The following ESRRG variants were observed in gnomAD, a reference collection of about 807,000 sequenced individuals.
ESRRG encodes estrogen related receptor gamma.
ESRRG carries 13 observed loss-of-function variants against 44.0 expected under a neutral mutation model. That is an observed-to-expected ratio of 0.30 (90% CI 0.19 to 0.47). ESRRG has a LOEUF of 0.47. ESRRG is among the 20% of genes least tolerant of loss of function. ESRRG has a pLI of 1.00. For missense variants in ESRRG, 395 were observed against 580.6 expected (o/e 0.68, Z 3.29); for synonymous variants, 215 against 214.6 (o/e 1.00, Z -0.02).
At chr1:217,114,684 T>A (rs1425415420) in intron 1 of ESRRG, among the ~76,000 whole-genome samples, 23 of 149,724 alleles carry the variant, frequency 1.5e-4, no homozygotes, top group African/African-American at 5.7e-4. Context: ...TTTTTTTTTT[T>A]TTTTGAGACG....
chr1:217,075,596 C>T (rs534169153), intron 1 of ESRRG, among the ~76,000 whole-genome samples: 1 of 146,620 alleles, frequency 6.8e-6, no homozygotes, highest in Admixed American at 7.4e-5. Context: ...CTTTCCCCCC[C>T]CCAACATTAA....
chr1:216,572,901 C>A (rs2061067368), intron 3 of ESRRG, among the ~76,000 whole-genome samples: 2 of 152,034 alleles, frequency 1.3e-5, no homozygotes, highest in Admixed American at 1.3e-4. Context: ...TATGATTTCT[C>A]ATTAGTAGTA....
intron 2 of ESRRG, among the ~76,000 whole-genome samples, chr1:216,803,952 G>A (rs997907321): frequency 4.6e-5 from 7 of 151,690 alleles, no homozygotes; most frequent in East Asian, 3.9e-4. Flanking sequence ...TGGCCAAAAG[G>A]TTCTAACACA....
At chr1:217,025,686 C>A (rs1020879445) in intron 1 of ESRRG, among the ~76,000 whole-genome samples, 1 of 152,068 alleles carries the variant, frequency 6.6e-6, no homozygotes, top group Non-Finnish European at 1.5e-5. Flanking sequence ...CCAAACACAG[C>A]CCCTATCTAC....
chr1:217,088,398 CTTTTTTTTTTTTTTTT>C (rs71585811), intron 1 of ESRRG, among the ~76,000 whole-genome samples: 1 of 59,738 alleles, frequency 1.7e-5, no homozygotes, highest in African/African-American at 7.3e-5. Context: ...TTTTTCCTGT[CTTTTTTTTTTTTTTTT>C]TTTTTTTTTT....
intron 1 of ESRRG, among the ~76,000 whole-genome samples, chr1:216,963,131 G>C (rs1180454332): frequency 6.6e-6 from 1 of 152,118 alleles, no homozygotes; most frequent in Non-Finnish European, 1.5e-5. Flanking sequence ...TACACTATAA[G>C]GCGCTATATA....
chr1:216,737,199 C>T (rs1001839588), intron 2 of ESRRG, among the ~76,000 whole-genome samples: 4 of 152,198 alleles, frequency 2.6e-5, no homozygotes, highest in African/African-American at 9.7e-5. Context: ...TCAGCTGCAT[C>T]TGCTTCAAAG....
At chr1:216,824,175 G>A (rs556079739) in intron 2 of ESRRG, among the ~76,000 whole-genome samples, 5 of 152,226 alleles carry the variant, frequency 3.3e-5, no homozygotes, top group South Asian at 2.1e-4. Flanking sequence ...GGCTGGGCAC[G>A]GTGGCTCATG....
At chr1:216,957,615 G>C (rs2068204127) in intron 1 of ESRRG, among the ~76,000 whole-genome samples, 1 of 151,986 alleles carries the variant, frequency 6.6e-6, no homozygotes, top group South Asian at 2.1e-4. Flanking sequence ...GAGCTGACCA[G>C]TTCCCCTCAC....
rs796442337 is a variant in ESRRG, at chr1:217,112,000, T to C, written c.-230+25667A>G. Among the ~76,000 whole-genome samples, 4 of 152,174 alleles carry C rather than the reference T, an allele frequency of 2.6e-5. No individual in the cohort carries two copies. The South Asian group carries it at 8.3e-4, about 32-fold the overall frequency. ...GCCAATGCCACAGAGAGAAGCCATATGGAGGTACTCAGGTTGATAGCCCCA... is the reference window on the plus strand; with the variant it reads ...GCCAATGCCACAGAGAGAAGCCATACGGAGGTACTCAGGTTGATAGCCCCA... On this transcript the variant is annotated intron_variant, in intron 1 of 8. Transcript: ENST00000366940.
At chr1:216,685,657 A>G (rs919122562) in intron 1 of ESRRG, among the ~76,000 whole-genome samples, 1 of 152,212 alleles carries the variant, frequency 6.6e-6, no homozygotes, top group African/African-American at 2.4e-5. Flanking sequence ...CCAGTGATGG[A>G]GTTCACAAAT....
chr1:216,554,728 A>C (rs2149426605), intron 5 of ESRRG, among the ~76,000 whole-genome samples: 1 of 152,310 alleles, frequency 6.6e-6, no homozygotes, highest in African/African-American at 2.4e-5. Context: ...GATTTGTTGA[A>C]AATTAAAGAA....
At chr1:216,884,748 G>T (rs2096493173) in intron 2 of ESRRG, among the ~76,000 whole-genome samples, 1 of 152,270 alleles carries the variant, frequency 6.6e-6, no homozygotes, top group South Asian at 2.1e-4. Context: ...TGCTTTCTGT[G>T]TTGGGCTCTG....
chr1:216,912,262 AGAGGG>A lies in ESRRG; in HGVS notation c.-14+27315_-14+27319del, dbSNP rs1332182199. On this transcript the variant is annotated intron_variant, in intron 2 of 7. Transcript: ENST00000359162. Reference sequence around the variant, plus strand: ...AGAGGAGAGGAGAGGAGAGGAGAGGAGAGGGGAGGGGAGGAGAGGGGAGGAGAGGA... The same window carrying A: ...AGAGGAGAGGAGAGGAGAGGAGAGGAGAGGGGAGGAGAGGGGAGGAGAGGA... Among the ~76,000 whole-genome samples, 39 of 36,062 alleles carry A rather than the reference AGAGGG, an allele frequency of 1.1e-3. 3 individuals carry two copies. The highest frequency in any genetic ancestry group is 3.5e-3 in the African/African-American group (38 of 10,964). 23.7% of individuals were successfully genotyped at this position (36,062 alleles called of 152,430 possible).
intron 2 of ESRRG, among the ~76,000 whole-genome samples, chr1:216,874,743 G>T (rs2096320953): frequency 6.6e-6 from 1 of 152,250 alleles, no homozygotes; most frequent in South Asian, 2.1e-4. Flanking sequence ...AGTCAGTGGA[G>T]AGGGAGAGGT....
At chr1:216,627,087 G>A (rs1336230711) in intron 3 of ESRRG, among the ~76,000 whole-genome samples, 2 of 152,192 alleles carry the variant, frequency 1.3e-5, no homozygotes, top group Non-Finnish European at 2.9e-5. Context: ...CTTGTTTCCA[G>A]AACTGGAAGA....
intron 3 of ESRRG, among the ~76,000 whole-genome samples, chr1:216,611,603 A>G (rs968489655): frequency 1.3e-5 from 2 of 152,258 alleles, no homozygotes; most frequent in African/African-American, 4.8e-5. Flanking sequence ...TCAGGTCACA[A>G]AACTATGGGT....
rs185947684 is a variant in ESRRG, at chr1:216,587,051, T to C, written c.590-18953A>G. Among the ~76,000 whole-genome samples the C allele has an allele frequency of 3.3e-5, 5 of 152,276 alleles. No homozygotes were observed. In the East Asian group the frequency reaches 7.7e-4, roughly 24 times the overall value. On this transcript the variant is annotated intron_variant, in intron 3 of 6. Coordinates refer to ENST00000408911, the MANE Select transcript of ESRRG (RefSeq NM_001438.4). ...TTCAATACAAATTAGACATTATAAATCCTATATATATCTGTGATAAAATGA... is the reference window on the plus strand; with the variant it reads ...TTCAATACAAATTAGACATTATAAACCCTATATATATCTGTGATAAAATGA...
chr1:217,119,038 G>T (rs1370166838), intron 1 of ESRRG, among the ~76,000 whole-genome samples: 1 of 151,330 alleles, frequency 6.6e-6, no homozygotes, highest in African/African-American at 2.4e-5. Context: ...TAGATAGATA[G>T]ATAGATAGAT....
Sources: allele counts gnomAD v4.1 joint callset (sites outside exome capture counted in the v4.1 genomes callset), GRCh38; gene constraint gnomAD v4.1.1; transcripts MANE v1.5; gene names NCBI Gene and HGNC (gene_info 2026-07-23, HGNC 2026-07-21).